Variants in MLXIP observed in about 807,000 individuals in gnomAD.
MLXIP encodes MLX interacting protein, also known as MLX-interacting protein.
A neutral mutation model predicts 87.2 loss-of-function variants in MLXIP; 30 were observed. The ratio of observed to expected loss-of-function variants is 0.34; its 90% CI spans 0.26 to 0.47. The LOEUF is 0.47. MLXIP is among the 20% of genes least tolerant of loss of function. The pLI, the probability that MLXIP is intolerant of heterozygous loss-of-function variation, is 1.00. For missense variants in MLXIP, 1,002 were observed against 1,240.1 expected, an observed-to-expected ratio of 0.81 and a Z score of 2.88; for synonymous variants, 530 against 514.0, an observed-to-expected ratio of 1.03 and a Z score of -0.42.
At chr12:122,110,823 A>G (rs923998018) in intron 1 of MLXIP, among the ~76,000 whole-genome samples, 4 of 151,578 alleles carry the variant, frequency 2.6e-5, no homozygotes, top group East Asian at 4.0e-4. Flanking sequence ...CACGCCTGTA[A>G]TCCCAGCACT....
At chr12:122,108,728 C>T (rs1341011371) in intron 1 of MLXIP, among the ~76,000 whole-genome samples, 1 of 152,128 alleles carries the variant, frequency 6.6e-6, no homozygotes, top group Non-Finnish European at 1.5e-5. Context: ...GTGGAGGGAA[C>T]CAGCAGTACA....
rs1056925457 is a variant in MLXIP at position 122,133,015 on chromosome 12, G to C, written c.1093-333G>C. ...GGATTCCCGAGCAGCTGCAATCCAG[G>C]CTGCCTCTGCTCAGTAATAGAAGAT... On this transcript the variant is annotated intron_variant, in intron 8 of 16. Coordinates refer to ENST00000319080, the MANE Select transcript of MLXIP (RefSeq NM_014938.6). This position sits in a 1 kb window ranked among gnomAD's most constrained non-coding sequence, Gnocchi z 4.9. 3.8e-6 allele frequency: 1 copy of C among 261,164 alleles called. No homozygotes were observed. The highest frequency in any genetic ancestry group is 5.0e-5 in the Admixed American group (1 of 19,906). 16.2% of individuals were successfully genotyped at this position (261,164 alleles called of 1,614,324 possible). A position where few individuals can be genotyped will look rare whatever the true frequency, so the allele number is the denominator to read the frequency against.
intron 1 of MLXIP, among the ~76,000 whole-genome samples, chr12:122,093,498 G>A (rs911498693): frequency 0.012 from 1,682 of 144,232 alleles, 31 homozygotes; most frequent in African/African-American, 0.041. Context: ...GTGTGTGTGC[G>A]GTGTCTGTGT....
chr12:122,140,229 G>A (rs1953173098), intron 15 of MLXIP, among the ~76,000 whole-genome samples: 1 of 152,230 alleles, frequency 6.6e-6, no homozygotes. Flanking sequence ...TAGGAGACTG[G>A]CATGCACTTT....
At chr12:122,128,122 C>G (rs2135970369) in intron 3 of MLXIP, 154 bp downstream of exon 3, 2 of 645,306 alleles carry the variant, frequency 3.1e-6, no homozygotes, top group Admixed American at 5.5e-5. Flanking sequence ...GGCCTGGGAG[C>G]TGGTGGCCTC....
At chr12:122,128,060 C>T (rs1467469833) in intron 3 of MLXIP, 92 bp downstream of exon 3, 5 of 1,130,858 alleles carry the variant, frequency 4.4e-6, no homozygotes, top group Admixed American at 1.7e-5. Context: ...GTAGGAGAGG[C>T]TGCCGAGGGT....
At position 122,133,742 on chromosome 12, in the gene MLXIP, C is replaced by T; in HGVS notation, c.1487C>T (p.Ala496Val). The change falls in exon 9 of 17, where the codon GCC becomes GTC. Residue 496 changes from alanine (A) to valine (V), a missense_variant. Around this residue, in one of 3 missense-constraint regions of MLXIP, gnomAD observed 746 missense variants for 897.0 expected, o/e 0.83. Transcript: ENST00000319080. The surrounding 1 kb of genome is among the most constrained non-coding windows in gnomAD (Gnocchi z 4.9). ...GCCTCTGCCACCCTCACCCACGATG[C>T]CCCCGCCACCACCTTTAGCCAGAGT... is the stretch of plus-strand genomic sequence containing the variant. ...HTASATLTHD[A>V]PATTFSQSQG... 2 of 1,613,396 alleles carry T rather than the reference C, an allele frequency of 1.2e-6. No homozygotes were observed. Among genetic ancestry groups the T allele is most frequent in the Middle Eastern group, 1.6e-4 (1 of 6,062 alleles).
intron 1 of MLXIP, among the ~76,000 whole-genome samples, chr12:122,097,844 G>GA (rs1434465036): frequency 8.4e-6 from 1 of 119,074 alleles, no homozygotes; most frequent in East Asian, 2.5e-4. Context: ...GAATCCATGG[G>GA]TTCCCCCTCC....
chr12:122,126,654 C>T (rs1363079788), intron 1 of MLXIP, among the ~76,000 whole-genome samples: 1 of 152,174 alleles, frequency 6.6e-6, no homozygotes, highest in African/African-American at 2.4e-5. Context: ...GCCTGGTTTG[C>T]ACTCTGTGGT....
chr12:122,084,552 T>G (rs189937986), intron 1 of MLXIP, among the ~76,000 whole-genome samples: 34 of 152,290 alleles, frequency 2.2e-4, no homozygotes, highest in Admixed American at 1.2e-3. Context: ...TGACCTTTTT[T>G]TTTGTTTGTT....
chr12:122,129,508 T>C (rs774821349), intron 4 of MLXIP, 80 bp from the exon 5 acceptor site: 378 of 1,506,488 alleles, frequency 2.5e-4, no homozygotes, highest in Non-Finnish European at 3.3e-4. Context: ...CCTGCCTCCC[T>C]GAGAGTTCTG....
Position 122,135,887 on chromosome 12 carries a change from G to C in MLXIP, c.2032+221G>C. On this transcript the variant is annotated intron_variant, in intron 11 of 16. Coordinates refer to ENST00000319080, the MANE Select transcript of MLXIP (RefSeq NM_014938.6). The surrounding 1 kb of genome is among the most constrained non-coding windows in gnomAD (Gnocchi z 5.3). ...GCAGGGCAAAAAGTAGTGAACATGT[G>C]GCAGTGTAGGTGACCCGTGTGCTCG... The C allele has an allele frequency of 1.8e-6, 1 of 565,220 alleles. No individual in the cohort carries two copies. The highest frequency in any genetic ancestry group is 3.0e-6 in the Non-Finnish European group (1 of 335,688). 35.0% of individuals were successfully genotyped at this position (565,220 alleles called of 1,614,324 possible).
rs555603302 is a variant in MLXIP at position 122,144,659 on chromosome 12, G to A, written c.*2847G>A. The A allele has an allele frequency of 6.6e-6, 1 of 152,370 alleles. No homozygotes were observed. The highest frequency in any genetic ancestry group is 1.5e-5 in the Non-Finnish European group (1 of 68,056). 9.4% of individuals were successfully genotyped at this position (152,370 alleles called of 1,614,324 possible). A position where few individuals can be genotyped will look rare whatever the true frequency, so the allele number is the denominator to read the frequency against. ...CCAGCACTTTGGTAGGCCAAGGCGGGTGGATCACCTGCAGTCAGGAGTTCA... is the reference window on the plus strand; with the variant it reads ...CCAGCACTTTGGTAGGCCAAGGCGGATGGATCACCTGCAGTCAGGAGTTCA... On this transcript the variant is annotated 3_prime_UTR_variant, in exon 17 of 17. Coordinates refer to ENST00000319080, the MANE Select transcript of MLXIP (RefSeq NM_014938.6).
Position 122,133,025 on chromosome 12 carries a change from C to T in MLXIP, c.1093-323C>T. The T allele has an allele frequency of 3.6e-6, 1 of 281,406 alleles. No homozygotes were observed. Among genetic ancestry groups the T allele is most frequent in the Non-Finnish European group, 6.6e-6 (1 of 150,860 alleles). The allele number at this position is 281,406 out of a possible 1,614,324, so 17.4% of individuals were successfully genotyped here. On this transcript the variant is annotated intron_variant, in intron 8 of 16. Coordinates refer to ENST00000319080, the MANE Select transcript of MLXIP (RefSeq NM_014938.6). This position sits in a 1 kb window ranked among gnomAD's most constrained non-coding sequence, Gnocchi z 4.9. ...GCAGCTGCAATCCAGGCTGCCTCTG[C>T]TCAGTAATAGAAGATGGCAGAGACT...
At chr12:122,081,300 C>G (rs1031270495) in intron 1 of MLXIP, among the ~76,000 whole-genome samples, 3 of 152,180 alleles carry the variant, frequency 2.0e-5, no homozygotes, top group African/African-American at 7.2e-5. Flanking sequence ...TGGGATCTGT[C>G]CAGTCATTTC....
At chr12:122,119,002 T>G (rs979923067) in intron 1 of MLXIP, among the ~76,000 whole-genome samples, 8 of 151,880 alleles carry the variant, frequency 5.3e-5, no homozygotes, top group Non-Finnish European at 1.2e-4. Flanking sequence ...CCGTCTCTAC[T>G]AAAAATACAA....
At chr12:122,118,149 G>C (rs370931082) in intron 1 of MLXIP, among the ~76,000 whole-genome samples, 2 of 152,300 alleles carry the variant, frequency 1.3e-5, no homozygotes, top group African/African-American at 4.8e-5. Flanking sequence ...GCAGGTGGGT[G>C]GCAACTACAG....
At chr12:122,093,276 A>G (rs1448588980) in intron 1 of MLXIP, among the ~76,000 whole-genome samples, 73,505 of 140,030 alleles carry the variant, frequency 0.52, 18,663 homozygotes, top group Admixed American at 0.6. Context: ...TGGGGTGTGC[A>G]TTTGTGCTGT....
intron 1 of MLXIP, among the ~76,000 whole-genome samples, chr12:122,087,067 C>T (rs1952178709): frequency 6.6e-6 from 1 of 152,178 alleles, no homozygotes; most frequent in Admixed American, 6.5e-5. Flanking sequence ...ACCATCAACA[C>T]TCTTGGCGGT....
Sources: allele counts gnomAD v4.1 joint callset (sites outside exome capture counted in the v4.1 genomes callset), GRCh38; gene constraint gnomAD v4.1.1; regional missense constraint gnomAD v4.1.1; non-coding constraint Gnocchi (gnomAD v3.1); transcripts MANE v1.5; gene names NCBI Gene and HGNC (gene_info 2026-07-23, HGNC 2026-07-21).